PRH1: variants seen among roughly 807,000 people sequenced by gnomAD.
PRH1 encodes the protein proline rich protein HaeIII subfamily 1.
Under a neutral mutation model 7.9 loss-of-function variants are expected in PRH1, and 7 were observed. The ratio of observed to expected loss-of-function variants is 0.89; its 90% CI spans 0.50 to 1.67. The LOEUF (loss-of-function observed/expected upper bound fraction) is 1.67, where lower values mean the gene tolerates loss of function less well. Among genes scored for constraint, PRH1 ranks in the 40% most tolerant of loss-of-function variants. The probability of loss-of-function intolerance (pLI) is 0.00; values close to 1 mark genes in which losing one functional copy is unlikely to be tolerated. For synonymous variants in PRH1, 45 were observed against 80.8 expected, an observed-to-expected ratio of 0.56 and a Z score of 2.38; for missense variants, 109 against 223.6, an observed-to-expected ratio of 0.49 and a Z score of 3.27.
At chr12:10,903,931 C>CAAAAAAAAAAAAACAAAAAAA (rs1949760601) in intron 2 of PRH1, among the ~76,000 whole-genome samples, 1 of 31,106 alleles carries the variant, frequency 3.2e-5, no homozygotes, top group South Asian at 2.5e-3. Context: ...ACAATAGCCT[C>CAAAAAAAAAAAAACAAAAAAA]AAAAAAAAAA....
chr12:11,014,787 G>A (rs558246187), intron 1 of PRH1, among the ~76,000 whole-genome samples: 37 of 152,112 alleles, frequency 2.4e-4, no homozygotes, highest in Non-Finnish European at 4.1e-4. Context: ...AGTACCCAGA[G>A]GAAAGGACAC....
chr12:11,021,308 A>G (rs1394577105), intron 1 of PRH1, among the ~76,000 whole-genome samples: 2 of 152,156 alleles, frequency 1.3e-5, no homozygotes, highest in African/African-American at 4.8e-5. Flanking sequence ...ACAAATTACA[A>G]TGGAAAAGAG....
intron 1 of PRH1, among the ~76,000 whole-genome samples, chr12:11,143,799 A>C (rs549819675): frequency 1.3e-5 from 2 of 152,348 alleles, no homozygotes; most frequent in Admixed American, 1.3e-4. Flanking sequence ...ATATATATGC[A>C]CTCAACACTG....
rs867568209 is a variant in PRH1, at chr12:10,908,634, G to A, written c.-58-24359C>T. On this transcript the variant is annotated intron_variant, in intron 2 of 3. Transcript: ENST00000539853. Reference sequence around the variant, plus strand: ...GGCATTTGTATGGACCTTGGTCCTGGGGTCTCTGTGTCCTTTGTAATTGAG... The same window carrying A: ...GGCATTTGTATGGACCTTGGTCCTGAGGTCTCTGTGTCCTTTGTAATTGAG... 1.2e-6 allele frequency: 2 copies of A among 1,613,874 alleles called. No homozygotes were observed. Among genetic ancestry groups the A allele is most frequent in the African/African-American group, 2.7e-5 (2 of 74,900 alleles).
chr12:11,115,851 A>G (rs1278108541), downstream of PRH1, among the ~76,000 whole-genome samples: 1 of 152,124 alleles, frequency 6.6e-6, no homozygotes, highest in Non-Finnish European at 1.5e-5. Context: ...GAAACAAATG[A>G]TAGTGGAAAC....
intron 2 of PRH1, among the ~76,000 whole-genome samples, chr12:10,900,154 A>G (rs1949703818): frequency 6.6e-6 from 1 of 152,144 alleles, no homozygotes; most frequent in Non-Finnish European, 1.5e-5. Context: ...GCACCCAGTT[A>G]AAAAAGTGAA....
At chr12:11,030,854 T>C (rs776354681) in intron 1 of PRH1, 3 of 1,614,168 alleles carry the variant, frequency 1.9e-6, no homozygotes, top group Non-Finnish European at 2.5e-6. Context: ...CCAAGTCAAG[T>C]TTCCTTCATA....
At chr12:11,124,647 CG>C (rs1372343088) in intron 1 of PRH1, among the ~76,000 whole-genome samples, 1 of 73,204 alleles carries the variant, frequency 1.4e-5, no homozygotes, top group African/African-American at 3.6e-5. Context: ...CTTATGTAAA[CG>C]TTGTCCAAAT....
intron 1 of PRH1, chr12:11,171,304 G>A (rs1947835709): frequency 3.5e-6 from 4 of 1,153,142 alleles, no homozygotes; most frequent in Non-Finnish European, 4.4e-6. Context: ...GAGGTCCGCG[G>A]GCCCTGCGGC....
chr12:10,987,949 T>C (rs1387057284), intron 1 of PRH1, among the ~76,000 whole-genome samples: 2 of 152,140 alleles, frequency 1.3e-5, no homozygotes, highest in Non-Finnish European at 2.9e-5. Context: ...AGAAAATTGG[T>C]AGATTTCACA....
At chr12:10,887,367 A>C (rs1412432039), upstream of PRH1, among the ~76,000 whole-genome samples, 3 of 152,198 alleles carry the variant, frequency 2.0e-5, no homozygotes, top group Non-Finnish European at 2.9e-5. Context: ...TTAGCAAATA[A>C]ACACAATAGT....
At chr12:11,143,317 T>C (rs2136399831) in intron 1 of PRH1, among the ~76,000 whole-genome samples, 1 of 152,272 alleles carries the variant, frequency 6.6e-6, no homozygotes, top group Non-Finnish European at 1.5e-5. Flanking sequence ...AGATAGTATT[T>C]GCAAGCCTCA....
intron 2 of PRH1, among the ~76,000 whole-genome samples, chr12:10,893,387 ATTC>A (rs1207662397): frequency 1.3e-5 from 2 of 152,208 alleles, no homozygotes; most frequent in Non-Finnish European, 2.9e-5. Context: ...TTATAAATTT[ATTC>A]TTGTTGTTTT....
At chr12:10,939,304 A>G in intron 2 of PRH1, 1 of 700,284 alleles carries the variant, frequency 1.4e-6, no homozygotes, top group Non-Finnish European at 2.3e-6. Flanking sequence ...TTGAAAATTC[A>G]ATAATATATT....
rs751979385 is a variant in PRH1 at position 11,091,489 on chromosome 12, T to C, written n.124-44301A>G. 5 of 1,361,290 alleles carry C rather than the reference T, an allele frequency of 3.7e-6. No individual in the cohort carries two copies. The African/African-American group carries it at 7.4e-5, about 20-fold the overall frequency. The allele number at this position is 1,361,290 out of a possible 1,614,324, so 84.3% of individuals were successfully genotyped here. On this transcript the variant is annotated intron_variant and non_coding_transcript_variant, in intron 1 of 4. Transcript: ENST00000541977. ...CCAGACTTCCAAAACTCCAAACTGATATCATTATGGACAGAAAGTAAATGG... is the reference window on the plus strand; with the variant it reads ...CCAGACTTCCAAAACTCCAAACTGACATCATTATGGACAGAAAGTAAATGG...
intron 1 of PRH1, chr12:11,133,644 A>T: frequency 1.2e-6 from 2 of 1,614,252 alleles, no homozygotes; most frequent in Non-Finnish European, 1.7e-6. Context: ...TTACACAGAG[A>T]ACAGATTAAC....
At chr12:11,128,302 T>A (rs921590773) in intron 1 of PRH1, among the ~76,000 whole-genome samples, 1 of 152,160 alleles carries the variant, frequency 6.6e-6, no homozygotes, top group African/African-American at 2.4e-5. Flanking sequence ...CAGTCTCCAA[T>A]CCTGGATTTT....
At chr12:10,918,631 A>G (rs765975917) in intron 2 of PRH1, among the ~76,000 whole-genome samples, 1 of 152,244 alleles carries the variant, frequency 6.6e-6, no homozygotes, top group Non-Finnish European at 1.5e-5. Context: ...CACCAATGTA[A>G]GCTCTCACTA....
rs1047474697 is a variant in PRH1, at chr12:11,132,565, C to G, written n.40-11385G>C. Among the ~76,000 whole-genome samples the G allele has an allele frequency of 4.7e-5, 5 of 106,582 alleles. No individual in the cohort carries two copies. The South Asian group carries it at 1.3e-3, about 27-fold the overall frequency. 69.9% of individuals were successfully genotyped at this position (106,582 alleles called of 152,430 possible). A position where few individuals can be genotyped will look rare whatever the true frequency, so the allele number is the denominator to read the frequency against. ...GCATATGGAAGCTGATAATAGCAATCAAGATCATGATCATGATTTTTCATC... is the reference window on the plus strand; with the variant it reads ...GCATATGGAAGCTGATAATAGCAATGAAGATCATGATCATGATTTTTCATC... On this transcript the variant is annotated intron_variant and non_coding_transcript_variant, in intron 1 of 1. Transcript: ENST00000541175.
Sources: gnomAD v4.1 joint callset for allele counts (sites outside exome capture counted in the v4.1 genomes callset) on GRCh38, gnomAD v4.1.1 for gene constraint, MANE v1.5 for transcripts, NCBI Gene and HGNC (gene_info 2026-07-23, HGNC 2026-07-21) for gene names.